Variants in CA10 observed in about 807,000 individuals in gnomAD.
The protein encoded by CA10 is carbonic anhydrase-related protein 10.
Under a neutral mutation model 44.2 loss-of-function variants are expected in CA10, and 14 were observed. The observed-to-expected ratio is 0.32, with a 90% confidence interval of 0.21 to 0.50. CA10 has a LOEUF of 0.50. Ranked by LOEUF, CA10 falls within the 20% of genes least tolerant of loss-of-function variation. CA10 has a pLI of 0.99. For synonymous variants in CA10, 159 were observed against 141.6 expected (o/e 1.12, Z -0.87); for missense variants, 350 against 409.7 (o/e 0.85, Z 1.26).
At chr17:51,830,979 C>G (rs1908218726) in intron 3 of CA10, among the ~76,000 whole-genome samples, 2 of 152,112 alleles carry the variant, frequency 1.3e-5, no homozygotes, top group African/African-American at 2.4e-5. Flanking sequence ...TACTTTTGCA[C>G]CAACCTATAT....
At chr17:51,679,472 A>G (rs551340597) in intron 4 of CA10, among the ~76,000 whole-genome samples, 3 of 151,922 alleles carry the variant, frequency 2.0e-5, no homozygotes, top group South Asian at 2.1e-4. Flanking sequence ...CGTGTTAGCC[A>G]GGATGGTCTT....
rs947800063 is a variant in CA10 at position 52,052,932 on chromosome 17, TGAGA to T, written c.136+19383_136+19386del. ...CAGTGTGTATGAGTATGTGTGTGTG[TGAGA>T]GAGAGAGTGTGTGTGAGTGTGAGTG... On this transcript the variant is annotated intron_variant, in intron 2 of 8. Coordinates refer to ENST00000451037, the MANE Select transcript of CA10 (RefSeq NM_020178.5). 8.6e-5 allele frequency among the ~76,000 whole-genome samples: 13 copies of T among 151,832 alleles called. 1 individual carries two copies. Among genetic ancestry groups the T allele is most frequent in the African/African-American group, 2.7e-4 (11 of 41,348 alleles).
At chr17:52,144,200 G>A (rs2072331876) in intron 1 of CA10, among the ~76,000 whole-genome samples, 1 of 152,176 alleles carries the variant, frequency 6.6e-6, no homozygotes, top group Admixed American at 6.5e-5. Flanking sequence ...GAATAGAGTA[G>A]CCAAATTTCA....
chr17:51,762,133 C>A (rs1905231928), intron 3 of CA10: 1 of 152,198 alleles, frequency 6.6e-6, no homozygotes, highest in Non-Finnish European at 1.5e-5. Flanking sequence ...TTTATTATCA[C>A]CATTTGATGA....
chr17:51,685,950 C>A (rs1914994129), intron 4 of CA10, among the ~76,000 whole-genome samples: 1 of 152,224 alleles, frequency 6.6e-6, no homozygotes, highest in African/African-American at 2.4e-5. Flanking sequence ...CTCTGCTCAA[C>A]CTCCAAACCT....
chr17:51,899,966 A>G (rs2143928423), intron 3 of CA10, among the ~76,000 whole-genome samples: 1 of 147,782 alleles, frequency 6.8e-6, no homozygotes, highest in Admixed American at 6.7e-5. Flanking sequence ...GATAGCATAT[A>G]GTTGGGTTTT....
chr17:51,845,068 G>A (rs1297494520), intron 3 of CA10, among the ~76,000 whole-genome samples: 1 of 152,136 alleles, frequency 6.6e-6, no homozygotes, highest in African/African-American at 2.4e-5. Context: ...ATTGATGGTG[G>A]CCACCAGGAA....
chr17:52,152,631 A>G lies in CA10; in HGVS notation c.61+5095T>C, dbSNP rs183412715. Among the ~76,000 whole-genome samples, 3 of 152,256 alleles carry G rather than the reference A, an allele frequency of 2.0e-5. No homozygotes were observed. The East Asian group carries it at 5.8e-4, about 29-fold the overall frequency. ...ATTTTAGCATTACAACTTTGCATTT[A>G]TAATAATATCTTAACAAATAAACAT... On this transcript the variant is annotated intron_variant, in intron 1 of 8. Transcript: ENST00000451037.
chr17:52,153,403 G>A (rs868811471), intron 1 of CA10, among the ~76,000 whole-genome samples: 4 of 152,220 alleles, frequency 2.6e-5, no homozygotes, highest in Middle Eastern at 3.4e-3. Flanking sequence ...GCACTTTAAA[G>A]TTGGGTCTAT....
intron 3 of CA10, among the ~76,000 whole-genome samples, chr17:51,772,371 T>C (rs533518512): frequency 6.6e-6 from 1 of 152,338 alleles, no homozygotes; most frequent in African/African-American, 2.4e-5. Context: ...TGCACTTGCT[T>C]ATTATTTTAC....
At chr17:51,872,318 C>A (rs1979856134) in intron 3 of CA10, among the ~76,000 whole-genome samples, 1 of 152,190 alleles carries the variant, frequency 6.6e-6, no homozygotes, top group East Asian at 1.9e-4. Flanking sequence ...AAGGGCCTCT[C>A]CCAGCAAAGT....
intron 2 of CA10, among the ~76,000 whole-genome samples, chr17:52,030,628 G>C (rs187348370): frequency 1.3e-5 from 2 of 152,222 alleles, no homozygotes; most frequent in East Asian, 3.9e-4. Context: ...GTCTGTGAGG[G>C]GTTTTTCCAA....
chr17:51,726,127 G>C (rs1372305602), intron 4 of CA10, among the ~76,000 whole-genome samples: 4 of 152,204 alleles, frequency 2.6e-5, no homozygotes. Context: ...GCAGATGAAT[G>C]CCTATGCAAA....
chr17:51,889,144 T>C (rs1001015069), intron 3 of CA10, among the ~76,000 whole-genome samples: 1 of 152,132 alleles, frequency 6.6e-6, no homozygotes, highest in African/African-American at 2.4e-5. Flanking sequence ...CAGGTGGAGA[T>C]TGCAAGGCTT....
Position 51,703,325 on chromosome 17 carries a change from G to A in CA10, c.465+44308C>T, listed in dbSNP as rs142336452. Among the ~76,000 whole-genome samples, 874 of 152,150 alleles carry A rather than the reference G, an allele frequency of 5.7e-3. 5 individuals are homozygous for A. The highest frequency in any genetic ancestry group is 0.02 in the African/African-American group (833 of 41,522). On this transcript the variant is annotated intron_variant, in intron 4 of 8. Transcript: ENST00000451037. ...CTCCAACAAGGAAGTCAGCACATTT[G>A]GAATATCATTATCTTTCCATGATAA...
intron 2 of CA10, among the ~76,000 whole-genome samples, chr17:51,992,903 A>T (rs1031987487): frequency 2.0e-5 from 3 of 152,118 alleles, no homozygotes; most frequent in African/African-American, 4.8e-5. Flanking sequence ...TTTACAGAAT[A>T]AAAAAAGGTG....
At position 52,082,153 on chromosome 17, in the gene CA10, CT is replaced by C. The variant is rs1215809006; in HGVS notation, c.62-9761del. Among the ~76,000 whole-genome samples the C allele has an allele frequency of 2.6e-5, 4 of 152,274 alleles. No homozygotes were observed. In the East Asian group the frequency reaches 7.7e-4, roughly 29 times the overall value. On this transcript the variant is annotated intron_variant, in intron 1 of 8. Transcript: ENST00000451037. The stretch of plus-strand genomic sequence containing the variant: ...TGGCACAGTGTTTGACAAATATTTG[CT>C]TAATAAATCTAGGAAAGGGAGAATG...
chr17:51,752,531 G>C (rs115865127), intron 3 of CA10, among the ~76,000 whole-genome samples: 1 of 152,008 alleles, frequency 6.6e-6, no homozygotes, highest in Non-Finnish European at 1.5e-5. Context: ...AACTTATCCA[G>C]AATCACACAG....
intron 3 of CA10, among the ~76,000 whole-genome samples, chr17:51,878,891 T>TGGGG (rs199854509): frequency 0.2 from 7,665 of 37,572 alleles, 1,626 homozygotes; most frequent in African/African-American, 0.34. Context: ...TATATATATA[T>TGGGG]GGGTGTGTGT....
Sources: gnomAD v4.1 joint callset for allele counts (sites outside exome capture counted in the v4.1 genomes callset) on GRCh38, gnomAD v4.1.1 for gene constraint, MANE v1.5 for transcripts, NCBI Gene and HGNC (gene_info 2026-07-23, HGNC 2026-07-21) for gene names.